Variants in CEP120 observed in about 807,000 individuals in gnomAD.
CEP120 encodes the protein centrosomal protein 120.
Under a neutral mutation model 126.5 loss-of-function variants are expected in CEP120, and 113 were observed. The ratio of observed to expected loss-of-function variants is 0.89; its 90% CI spans 0.77 to 1.04. CEP120 has a LOEUF of 1.04. CEP120 is among the 50% of genes least tolerant of loss of function. The pLI, the probability that CEP120 is intolerant of heterozygous loss-of-function variation, is 0.00. For missense variants in CEP120, 1,230 were observed against 1,155.7 expected (o/e 1.06, Z -0.93); for synonymous variants, 400 against 394.3 (o/e 1.01, Z -0.17).
chr5:123,399,315 T>G (rs200095068), intron 4 of CEP120, 31 bp from the exon 5 acceptor site: 1 of 1,595,082 alleles, frequency 6.3e-7, no homozygotes, highest in African/African-American at 1.3e-5. Flanking sequence ...TTAAACTACA[T>G]TGTAGTTTGT....
At chr5:123,395,758 T>C (rs562921176) in intron 5 of CEP120, among the ~76,000 whole-genome samples, 3 of 150,146 alleles carry the variant, frequency 2.0e-5, no homozygotes, top group African/African-American at 7.4e-5. Context: ...CTCGGCTCAC[T>C]GCAAGCTCCG....
chr5:123,355,054 C>T (rs1281198074), intron 18 of CEP120, among the ~76,000 whole-genome samples: 1 of 151,294 alleles, frequency 6.6e-6, no homozygotes, highest in Non-Finnish European at 1.5e-5. Context: ...TTTGTCCTTG[C>T]AATAGTTTGC....
chr5:123,351,104 A>G (rs1404702921), intron 18 of CEP120, among the ~76,000 whole-genome samples: 2 of 152,200 alleles, frequency 1.3e-5, no homozygotes, highest in Admixed American at 6.6e-5. Context: ...ATGACAAGGT[A>G]CATTTTGATA....
intron 18 of CEP120, among the ~76,000 whole-genome samples, chr5:123,363,074 C>A (rs1250768942): frequency 6.6e-6 from 1 of 151,498 alleles, no homozygotes; most frequent in Non-Finnish European, 1.5e-5. Context: ...GAAAACGGGC[C>A]CTCCTCTGTT....
At chr5:123,419,168 C>T (rs1774559363) in intron 1 of CEP120, among the ~76,000 whole-genome samples, 1 of 152,134 alleles carries the variant, frequency 6.6e-6, no homozygotes, top group South Asian at 2.1e-4. Context: ...TGCTGCTGTC[C>T]TTGGTCCACA....
chr5:123,409,264 T>C (rs541317745), intron 4 of CEP120, among the ~76,000 whole-genome samples: 1 of 152,092 alleles, frequency 6.6e-6, no homozygotes, highest in Non-Finnish European at 1.5e-5. Flanking sequence ...TAAACCAGAA[T>C]TAGAAGGAAA....
intron 3 of CEP120, among the ~76,000 whole-genome samples, chr5:123,413,114 T>A (rs1580739287): frequency 6.6e-6 from 1 of 151,480 alleles, no homozygotes; most frequent in South Asian, 2.1e-4. Context: ...CTACTAAAAA[T>A]ACGAAAAATT....
chr5:123,392,663 A>T (rs564157647), intron 6 of CEP120, among the ~76,000 whole-genome samples: 1 of 152,116 alleles, frequency 6.6e-6, no homozygotes, highest in Admixed American at 6.5e-5. Context: ...GGCACACACC[A>T]CTATGTCTAA....
At chr5:123,353,162 G>A (rs541038840) in intron 18 of CEP120, among the ~76,000 whole-genome samples, 1 of 151,938 alleles carries the variant, frequency 6.6e-6, no homozygotes, top group African/African-American at 2.4e-5. Flanking sequence ...GAAAAGAAAC[G>A]GTAATAGAGG....
intron 4 of CEP120, chr5:123,401,281 C>T (rs1290188882): frequency 3.7e-5 from 60 of 1,608,012 alleles, no homozygotes; most frequent in Admixed American, 1.7e-4. Flanking sequence ...GCCTCCAGCT[C>T]GACAACTTGG....
chr5:123,346,558 C>T lies in CEP120; in HGVS notation c.2922G>A (p.Gln974=). The T allele has an allele frequency of 6.2e-7, 1 of 1,613,186 alleles. No individual in the cohort carries two copies. The highest frequency in any genetic ancestry group is 1.1e-5 in the South Asian group (1 of 90,880). Residue 974 remains glutamine, a synonymous_variant, in exon 20 of 20, where the codon CAG becomes CAA. Transcript: ENST00000306467. ...EDRIISELDR[Q]IREILAKSNA... ...TGCTTTTTGCCAAAATCTCTCTGAT[C>T]TGTCGGTCGAGTTCACTTATTATTC...
chr5:123,399,634 T>TA (rs1355947701), intron 4 of CEP120, among the ~76,000 whole-genome samples: 6 of 149,736 alleles, frequency 4.0e-5, no homozygotes, highest in South Asian at 2.1e-4. Context: ...AATGGGGGAG[T>TA]AAAAAAAAGA....
intron 5 of CEP120, among the ~76,000 whole-genome samples, chr5:123,398,412 G>A (rs1475119888): frequency 1.3e-5 from 2 of 152,128 alleles, no homozygotes; most frequent in East Asian, 1.9e-4. Context: ...CATTTCCCAG[G>A]GTTGTTTAAG....
At chr5:123,359,689 T>C (rs559773922) in intron 18 of CEP120, among the ~76,000 whole-genome samples, 2 of 152,020 alleles carry the variant, frequency 1.3e-5, no homozygotes, top group Admixed American at 1.3e-4. Context: ...GTTATGCTTA[T>C]TTATATTTTA....
At position 123,419,553 on chromosome 5, in the gene CEP120, C is replaced by CAAA. The variant is rs566909063; in HGVS notation, c.50-1041_50-1039dup. 4.2e-3 allele frequency among the ~76,000 whole-genome samples: 572 copies of CAAA among 135,250 alleles called. 1 individual carries two copies. Among genetic ancestry groups the CAAA allele is most frequent in the East Asian group, 0.011 (50 of 4,648 alleles). The allele number at this position is 135,250 out of a possible 152,430, so 88.7% of individuals were successfully genotyped here. On this transcript the variant is annotated intron_variant, in intron 1 of 19. Coordinates refer to ENST00000306467, the MANE Select transcript of CEP120 (RefSeq NM_001375405.1). ...TCTCAAAAAAAAACAAAAACAAAAA[C>CAAA]AAAAAAAAAAAAACAGAATACTTTC...
intron 4 of CEP120, chr5:123,401,201 C>G: frequency 5.0e-6 from 8 of 1,612,754 alleles, no homozygotes; most frequent in Non-Finnish European, 5.9e-6. Context: ...CCAGGGCCAG[C>G]CTGACGTTCA....
At chr5:123,369,102 G>C (rs1202797416) in intron 17 of CEP120, among the ~76,000 whole-genome samples, 6 of 151,544 alleles carry the variant, frequency 4.0e-5, no homozygotes. Context: ...GAAGAGACAG[G>C]TCTTGTCCTC....
intron 6 of CEP120, among the ~76,000 whole-genome samples, chr5:123,393,029 T>A: frequency 6.6e-6 from 1 of 152,066 alleles, no homozygotes; most frequent in East Asian, 1.9e-4. Flanking sequence ...CAGGTATAAT[T>A]TTTTTTATTG....
At position 123,416,022 on chromosome 5, in the gene CEP120, T is replaced by C. The variant is rs1360581512; in HGVS notation, c.309A>G (p.Gln103=). Residue 103 remains glutamine, a synonymous_variant, in exon 3 of 20, where the codon CAA becomes CAG. Transcript: ENST00000306467. ...AAAAGGGCAATACCTGCTTTGTTTCTTGAGCGGTTCTTAAATCCAGAACGA... is the reference window on the plus strand; with the variant it reads ...AAAAGGGCAATACCTGCTTTGTTTCCTGAGCGGTTCTTAAATCCAGAACGA... ...GYIVLDLRTA[Q]ETKQAPKWYQ... is the part of the protein sequence containing the mutation. 4 of 1,611,574 alleles carry C rather than the reference T, an allele frequency of 2.5e-6. No homozygotes were observed. The South Asian group carries it at 4.4e-5, about 18-fold the overall frequency.
Sources: gnomAD v4.1 joint callset for allele counts (sites outside exome capture counted in the v4.1 genomes callset) on GRCh38, gnomAD v4.1.1 for gene constraint, MANE v1.5 for transcripts, NCBI Gene and HGNC (gene_info 2026-07-23, HGNC 2026-07-21) for gene names.